ZNF236: variants seen among roughly 807,000 people sequenced by gnomAD.
ZNF236 encodes the protein regulated by glucose.
ZNF236 carries 50 observed loss-of-function variants against 191.2 expected under a neutral mutation model. The observed-to-expected ratio is 0.26, with a 90% CI of 0.21 to 0.33. The LOEUF (loss-of-function observed/expected upper bound fraction) is 0.33. Ranked by LOEUF, ZNF236 falls within the 10% of genes least tolerant of loss-of-function variation. The pLI, the probability that ZNF236 is intolerant of heterozygous loss-of-function variation, is 1.00. For synonymous variants in ZNF236, 907 were observed against 928.8 expected (o/e 0.98, Z 0.43); for missense variants, 1,754 against 2,374.5 (o/e 0.74, Z 5.43).
intron 27 of ZNF236, among the ~76,000 whole-genome samples, chr18:76,948,775 C>T (rs1968333016): frequency 6.6e-6 from 1 of 152,178 alleles, no homozygotes. Context: ...CCATGGAATG[C>T]CCGCGTGGTT....
chr18:76,896,427 CA>C (rs1977414102), intron 10 of ZNF236, among the ~76,000 whole-genome samples: 1 of 150,350 alleles, frequency 6.7e-6, no homozygotes, highest in African/African-American at 2.5e-5. Flanking sequence ...ACACAAGTAC[CA>C]AACACAATAC....
chr18:76,846,177 A>C (rs80201174), intron 1 of ZNF236, among the ~76,000 whole-genome samples: 2,534 of 152,274 alleles, frequency 0.017, 31 homozygotes, highest in Non-Finnish European at 0.019. Context: ...GTCTCAAACT[A>C]CTGGCCTCAA....
At chr18:76,968,121 G>C in intron 30 of ZNF236, 94 bp from the exon 31 acceptor site, 2 of 1,485,192 alleles carry the variant, frequency 1.3e-6, no homozygotes, top group Non-Finnish European at 1.8e-6. Flanking sequence ...GAAATTCCTT[G>C]TCTCTTTCTA....
At position 76,849,605 on chromosome 18, in the gene ZNF236, A is replaced by C; in HGVS notation, c.135A>C (p.Leu45=). 1 of 1,611,414 alleles carries C rather than the reference A, an allele frequency of 6.2e-7. No individual in the cohort carries two copies. The highest frequency in any genetic ancestry group is 8.5e-7 in the Non-Finnish European group (1 of 1,179,344). Residue 45 remains leucine (L), a synonymous_variant, in exon 2 of 31, where the codon CTA becomes CTC. Transcript: ENST00000320610. ...VPNFHKCEIC[L]LSFPKESQFQ... is the part of the protein sequence containing the mutation. ...ACTTCCATAAATGTGAAATCTGTCTACTATCTTTTCCAAAAGAATCCCAGT... is the reference window on the plus strand; with the variant it reads ...ACTTCCATAAATGTGAAATCTGTCTCCTATCTTTTCCAAAAGAATCCCAGT...
intron 27 of ZNF236, among the ~76,000 whole-genome samples, chr18:76,954,318 G>A (rs1238064368): frequency 6.6e-6 from 1 of 152,190 alleles, no homozygotes; most frequent in Admixed American, 6.5e-5. Context: ...TAAAATGTTT[G>A]GTTCAGAAAC....
chr18:76,861,754 A>G (rs80286700), intron 3 of ZNF236, among the ~76,000 whole-genome samples: 3,738 of 152,290 alleles, frequency 0.025, 148 homozygotes, highest in African/African-American at 0.084. Context: ...CCGTATCACT[A>G]TTGTTAGAGA....
intron 30 of ZNF236, among the ~76,000 whole-genome samples, chr18:76,967,917 A>G (rs1968824474): frequency 2.6e-5 from 4 of 152,022 alleles, no homozygotes; most frequent in Admixed American, 6.5e-5. Flanking sequence ...CCTTTTTATT[A>G]TGGAAATCAT....
At chr18:76,928,212 C>G (rs1967758943) in intron 25 of ZNF236, 106 bp downstream of exon 25, 2 of 812,772 alleles carry the variant, frequency 2.5e-6, no homozygotes, top group Non-Finnish European at 3.5e-6. Context: ...AGCCCGTGCT[C>G]AATATGTATT....
In ZNF236 at chr18:76,969,796, T is replaced by TTTG. The variant is rs576777613; in HGVS notation, c.*1469_*1471dup. 1 of 152,626 alleles carries TTTG rather than the reference T, an allele frequency of 6.6e-6. No homozygotes were observed. Among genetic ancestry groups the TTTG allele is most frequent in the Non-Finnish European group, 1.5e-5 (1 of 68,030 alleles). 9.5% of individuals were successfully genotyped at this position (152,626 alleles called of 1,614,324 possible). On this transcript the variant is annotated 3_prime_UTR_variant, in exon 31 of 31. Coordinates refer to ENST00000320610, the MANE Select transcript of ZNF236 (RefSeq NM_001306089.2). ...TTTTGAAAGGGCATCTTTTGATTTT[T>TTTG]TTGTTGTTGTTGTTCACTTTTGGCA...
chr18:76,838,619 C>G (rs1017141993), intron 1 of ZNF236, among the ~76,000 whole-genome samples: 1 of 152,290 alleles, frequency 6.6e-6, no homozygotes, highest in Non-Finnish European at 1.5e-5. Flanking sequence ...TGAGTTTCAG[C>G]AAACCTTTGT....
At chr18:76,963,944 T>C (rs975435176) in intron 30 of ZNF236, among the ~76,000 whole-genome samples, 4 of 152,230 alleles carry the variant, frequency 2.6e-5, no homozygotes, top group Non-Finnish European at 4.4e-5. Flanking sequence ...CTTATTGAGC[T>C]TATTTGGATT....
rs767788209 is a variant in ZNF236 at position 76,899,214 on chromosome 18, C to G, written c.1886C>G (p.Thr629Ser). The G allele has an allele frequency of 3.1e-6, 5 of 1,613,208 alleles. No individual in the cohort carries two copies. ...CCTTTGCAGGAACCAATCCTCATAA[C>G]TGACTTAGGTAAGATGGATTGTAGG... ...DIPLQEPILI[T>S]DLGLIQPIPK... is the part of the protein sequence containing the mutation. Residue 629 changes from threonine to serine, a missense_variant, in exon 11 of 31, where the codon ACT becomes AGT. Around this residue, in one of 5 missense-constraint regions of ZNF236, gnomAD observed 641 missense variants for 869.6 expected, o/e 0.74. Coordinates refer to ENST00000320610, the MANE Select transcript of ZNF236 (RefSeq NM_001306089.2).
At chr18:76,830,106 T>A (rs552376076) in intron 1 of ZNF236, among the ~76,000 whole-genome samples, 1 of 152,206 alleles carries the variant, frequency 6.6e-6, no homozygotes, top group South Asian at 2.1e-4. Context: ...CCTGACCTTG[T>A]GATCCACCCA....
At chr18:76,864,351 C>T (rs555169903) in intron 3 of ZNF236, among the ~76,000 whole-genome samples, 6 of 152,088 alleles carry the variant, frequency 3.9e-5, no homozygotes, top group Non-Finnish European at 7.4e-5. Flanking sequence ...AGGCATCCAC[C>T]ACCACACCCG....
intron 3 of ZNF236, among the ~76,000 whole-genome samples, chr18:76,867,982 GA>G (rs912576083): frequency 8.3e-5 from 12 of 144,622 alleles, no homozygotes; most frequent in East Asian, 2.0e-4. Flanking sequence ...ATTTTTAAAA[GA>G]AAAAAAAAAC....
chr18:76,902,510 G>T (rs1285678206), intron 11 of ZNF236, among the ~76,000 whole-genome samples: 1 of 152,122 alleles, frequency 6.6e-6, no homozygotes, highest in Non-Finnish European at 1.5e-5. Context: ...CATTCAGTCT[G>T]CATGTCTCAG....
chr18:76,868,900 C>T, intron 4 of ZNF236, 37 bp downstream of exon 4: 1 of 1,543,870 alleles, frequency 6.5e-7, no homozygotes, highest in Non-Finnish European at 8.7e-7. Context: ...AAAAATCCAT[C>T]TAATATGTTA....
intron 3 of ZNF236, among the ~76,000 whole-genome samples, chr18:76,853,705 T>A (rs935481946): frequency 2.0e-5 from 3 of 152,066 alleles, no homozygotes; most frequent in African/African-American, 7.2e-5. Context: ...TTAATAAGAA[T>A]ACATTGTATG....
chr18:76,915,643 G>A lies in ZNF236; in HGVS notation c.3062-4G>A. 6.2e-7 allele frequency: 1 copy of A among 1,613,044 alleles called. No individual in the cohort carries two copies. The highest frequency in any genetic ancestry group is 1.1e-5 in the South Asian group (1 of 91,026). ...AGCCGTTTTTTCTGTTTCTGTGCTT[G>A]CAGGAGTGAAGGCGTTCAGCTGCAG... On this transcript the variant is annotated splice_region_variant and splice_polypyrimidine_tract_variant and intron_variant, in intron 18 of 30. Coordinates refer to ENST00000320610, the MANE Select transcript of ZNF236 (RefSeq NM_001306089.2).
Sources: gnomAD v4.1 joint callset for allele counts (sites outside exome capture counted in the v4.1 genomes callset) on GRCh38, gnomAD v4.1.1 for gene constraint, gnomAD v4.1.1 regional missense constraint, MANE v1.5 for transcripts, NCBI Gene and HGNC (gene_info 2026-07-23, HGNC 2026-07-21) for gene names.